The following EEA1 variants were observed in gnomAD, a reference collection of about 807,000 sequenced individuals.
The protein encoded by EEA1 is early endosome antigen 1, 162kD.
Under a neutral mutation model 209.2 loss-of-function variants are expected in EEA1, and 111 were observed. The ratio of observed to expected loss-of-function variants is 0.53; its 90% CI spans 0.45 to 0.62. EEA1 has a LOEUF of 0.62. Among genes scored for constraint, EEA1 ranks in the 20% least tolerant of loss-of-function variants. EEA1 has a pLI of 0.00. For missense variants in EEA1, 1,343 were observed against 1,530.8 expected (o/e 0.88, Z 2.05); for synonymous variants, 536 against 540.6 (o/e 0.99, Z 0.12).
intron 9 of EEA1, among the ~76,000 whole-genome samples, chr12:92,850,689 C>CAAAAAAAAAAAAAAAAA (rs11323932): frequency 2.1e-5 from 1 of 46,910 alleles, no homozygotes; most frequent in African/African-American, 8.9e-5. Flanking sequence ...GACTTTGTCT[C>CAAAAAAAAAAAAAAAAA]AAAAAAAAAA....
At chr12:92,874,319 C>CA (rs949308377) in intron 2 of EEA1, among the ~76,000 whole-genome samples, 5 of 151,556 alleles carry the variant, frequency 3.3e-5, no homozygotes, top group African/African-American at 4.8e-5. Flanking sequence ...GACCCTGTCT[C>CA]AAAAAAGAAA....
intron 2 of EEA1, among the ~76,000 whole-genome samples, chr12:92,870,282 A>C (rs377688288): frequency 2.0e-5 from 3 of 152,304 alleles, no homozygotes; most frequent in South Asian, 4.1e-4. Flanking sequence ...TTTCTGGTGC[A>C]AAAGGTTGCA....
Position 92,779,278 on chromosome 12 carries a change from G to T in EEA1, c.3491C>A (p.Ala1164Asp). 1 of 1,599,904 alleles carries T rather than the reference G, an allele frequency of 6.3e-7. No individual in the cohort carries two copies. Among genetic ancestry groups the T allele is most frequent in the Non-Finnish European group, 8.5e-7 (1 of 1,176,340 alleles). Residue 1164 changes from alanine to aspartate, a missense_variant, in exon 25 of 29, where the codon GCT (alanine) becomes GAT (aspartate). This residue lies in a region of EEA1 where 1,307 missense variants were observed against 1,465.5 expected (regional missense o/e 0.89). Transcript: ENST00000322349. Reference protein sequence around the residue: ...SIKEITNLKDAKQLLIQQKLE... With the variant: ...SIKEITNLKDDKQLLIQQKLE... ...TTTCTGCTGAATTAGAAGCTGTTTA[G>T]CATCTTTAAGATTTGTTATCTCCTG...
intron 2 of EEA1, among the ~76,000 whole-genome samples, chr12:92,889,327 G>A (rs1027279439): frequency 3.3e-5 from 5 of 151,900 alleles, no homozygotes; most frequent in Non-Finnish European, 7.4e-5. Flanking sequence ...AAAACCAGAA[G>A]TGTGTGGTAT....
chr12:92,813,167 T>C (rs1029261605), intron 15 of EEA1, 74 bp from the exon 16 acceptor site: 2 of 866,970 alleles, frequency 2.3e-6, no homozygotes, highest in African/African-American at 1.7e-5. Flanking sequence ...CACACTCCTT[T>C]TGTGACTAAA....
At chr12:92,788,267 A>C (rs1874227736) in intron 21 of EEA1, among the ~76,000 whole-genome samples, 2 of 150,120 alleles carry the variant, frequency 1.3e-5, no homozygotes, top group Non-Finnish European at 1.5e-5. Context: ...AAAAGTAATT[A>C]ATTTTTTTTT....
intron 9 of EEA1, among the ~76,000 whole-genome samples, chr12:92,843,306 G>A (rs1877251692): frequency 6.6e-6 from 1 of 152,018 alleles, no homozygotes; most frequent in African/African-American, 2.4e-5. Context: ...CTACAGGTGT[G>A]TGCCATCACG....
intron 9 of EEA1, among the ~76,000 whole-genome samples, chr12:92,846,223 G>T (rs1403931356): frequency 6.6e-6 from 1 of 152,014 alleles, no homozygotes; most frequent in Non-Finnish European, 1.5e-5. Flanking sequence ...CACATTAAGG[G>T]TATTATTAAT....
At chr12:92,903,079 C>A (rs1482637647) in intron 1 of EEA1, among the ~76,000 whole-genome samples, 3 of 151,544 alleles carry the variant, frequency 2.0e-5, no homozygotes, top group African/African-American at 4.8e-5. Context: ...GGGTTACAGG[C>A]ACCCGCCACC....
Position 92,891,809 on chromosome 12 carries a change from C to T in EEA1, c.25-88G>A, listed in dbSNP as rs941903671. The T allele has an allele frequency of 1.7e-5, 15 of 906,330 alleles. 1 individual carries two copies. Among genetic ancestry groups the T allele is most frequent in the Admixed American group, 9.3e-5 (4 of 42,868 alleles). The allele number at this position is 906,330 out of a possible 1,614,324, so 56.1% of individuals were successfully genotyped here. On this transcript the variant is annotated intron_variant, in intron 1 of 28. Transcript: ENST00000322349. Reference sequence around the variant, plus strand: ...CCATTTAATAATCTAAACCTTTTCACATAAGAAAAGTAGATGTCTTTACAA... The same window carrying T: ...CCATTTAATAATCTAAACCTTTTCATATAAGAAAAGTAGATGTCTTTACAA...
intron 5 of EEA1, 31 bp downstream of exon 5, chr12:92,857,244 A>G: frequency 6.6e-7 from 1 of 1,519,908 alleles, no homozygotes; most frequent in Non-Finnish European, 8.9e-7. Flanking sequence ...AACAACTAAT[A>G]AACATGCTTT....
rs774705080 is a variant in EEA1, at chr12:92,906,235, GCACATGCCAC to G, written c.25-14524_25-14515del. Among the ~76,000 whole-genome samples, 32 of 151,776 alleles carry G rather than the reference GCACATGCCAC, an allele frequency of 2.1e-4. No homozygotes were observed. The Middle Eastern group carries it at 0.01, about 48-fold the overall frequency. On this transcript the variant is annotated intron_variant, in intron 1 of 28. Coordinates refer to ENST00000322349, the MANE Select transcript of EEA1 (RefSeq NM_003566.4). ...GCATCCTGAGTAGCTGGGACTATAG[GCACATGCCAC>G]CACACCTGACTAATTTTTGTATTTT... is the stretch of plus-strand genomic sequence containing the variant.
At chr12:92,865,777 G>A (rs922546637) in intron 2 of EEA1, among the ~76,000 whole-genome samples, 6 of 149,248 alleles carry the variant, frequency 4.0e-5, no homozygotes, top group Admixed American at 2.7e-4. Flanking sequence ...AATGAGTCTC[G>A]CTCCGTCACC....
chr12:92,905,476 T>G (rs1880341695), intron 1 of EEA1: 1 of 151,918 alleles, frequency 6.6e-6, no homozygotes, highest in African/African-American at 2.4e-5. Flanking sequence ...CTGAGCGTGG[T>G]GGCACACACC....
At chr12:92,828,838 CCACCTGTCAAAA>C (rs1302342156) in intron 11 of EEA1, among the ~76,000 whole-genome samples, 1 of 152,054 alleles carries the variant, frequency 6.6e-6, no homozygotes, top group African/African-American at 2.4e-5. Flanking sequence ...TTTCGAACTG[CCACCTGTCAAAA>C]CCTATCCGAT....
chr12:92,791,366 A>G (rs1874394423), intron 21 of EEA1, among the ~76,000 whole-genome samples: 1 of 152,208 alleles, frequency 6.6e-6, no homozygotes, highest in African/African-American at 2.4e-5. Context: ...AGTGTGCTGT[A>G]TTCAAGAGAC....
chr12:92,788,407 T>C (rs1199729102), intron 21 of EEA1, among the ~76,000 whole-genome samples: 1 of 152,074 alleles, frequency 6.6e-6, no homozygotes, highest in Non-Finnish European at 1.5e-5. Context: ...TAAGGGAAAC[T>C]TGTACATGAA....
chr12:92,893,386 C>A (rs1344536055), intron 1 of EEA1, among the ~76,000 whole-genome samples: 1 of 152,130 alleles, frequency 6.6e-6, no homozygotes, highest in Non-Finnish European at 1.5e-5. Context: ...TTAATTAGAG[C>A]AGTGTGGCTC....
intron 9 of EEA1, among the ~76,000 whole-genome samples, chr12:92,847,852 A>G (rs1166779354): frequency 6.6e-6 from 1 of 152,158 alleles, no homozygotes; most frequent in East Asian, 1.9e-4. Context: ...GTTATAAGAA[A>G]CAAATGCGAC....
Sources: allele counts gnomAD v4.1 joint callset (sites outside exome capture counted in the v4.1 genomes callset), GRCh38; gene constraint gnomAD v4.1.1; regional missense constraint gnomAD v4.1.1; transcripts MANE v1.5; gene names NCBI Gene and HGNC (gene_info 2026-07-23, HGNC 2026-07-21).